IL1RAPL2: variants seen among roughly 807,000 people sequenced by gnomAD.
IL1RAPL2 encodes interleukin 1 receptor accessory protein like 2.
Under a neutral mutation model 44.1 loss-of-function variants are expected in IL1RAPL2, and 3 were observed. The ratio of observed to expected loss-of-function variants is 0.07; its 90% CI spans 0.03 to 0.18. The LOEUF is 0.18. Ranked by LOEUF, IL1RAPL2 falls within the 10% of genes least tolerant of loss-of-function variation. The pLI, the probability that IL1RAPL2 is intolerant of heterozygous loss-of-function variation, is 1.00. For synonymous variants in IL1RAPL2, 181 were observed against 178.8 expected (o/e 1.01, Z -0.10); for missense variants, 391 against 496.4 (o/e 0.79, Z 2.02).
chrX:105,253,273 T>C (rs2034286126), intron 4 of IL1RAPL2, among the ~76,000 whole-genome samples: 1 of 111,789 alleles, frequency 8.9e-6, no homozygotes, highest in African/African-American at 3.2e-5. Context: ...CCTTTTCTTG[T>C]TGGGAAGTTT....
chrX:104,722,667 C>T (rs1209487498), intron 2 of IL1RAPL2, among the ~76,000 whole-genome samples: 4 of 111,537 alleles, frequency 3.6e-5, no homozygotes, highest in Non-Finnish European at 5.7e-5. Context: ...ATTGCTTTTC[C>T]ATAGTATATG....
intron 5 of IL1RAPL2, among the ~76,000 whole-genome samples, chrX:105,310,250 T>G (rs2034786868): frequency 8.9e-6 from 1 of 111,797 alleles, no homozygotes; most frequent in Non-Finnish European, 1.9e-5. Flanking sequence ...TGGCACAAAG[T>G]TGTTTATAAT....
chrX:105,245,625 G>T (rs2034212636), intron 4 of IL1RAPL2, among the ~76,000 whole-genome samples: 1 of 112,666 alleles, frequency 8.9e-6, no homozygotes, highest in Non-Finnish European at 1.9e-5. Context: ...TTTTACAAAT[G>T]AGAGATAAGG....
At chrX:105,117,636 T>C (rs139995934) in intron 2 of IL1RAPL2, among the ~76,000 whole-genome samples, 2,061 of 111,168 alleles carry the variant, frequency 0.019, 57 homozygotes, top group African/African-American at 0.064. Context: ...GATCTGATGG[T>C]TTTATAAGGG....
At chrX:104,603,151 G>A (rs1194376689) in intron 1 of IL1RAPL2, among the ~76,000 whole-genome samples, 4 of 111,540 alleles carry the variant, frequency 3.6e-5, no homozygotes, top group Admixed American at 9.5e-5. Flanking sequence ...AATCTTTGCT[G>A]TTCTGCAGCC....
At chrX:104,923,941 C>T (rs1462540187) in intron 2 of IL1RAPL2, among the ~76,000 whole-genome samples, 1 of 108,773 alleles carries the variant, frequency 9.2e-6, no homozygotes. Flanking sequence ...CACCTACATG[C>T]TCAAAGTAAA....
chrX:104,675,686 G>A (rs1930734780), intron 2 of IL1RAPL2, among the ~76,000 whole-genome samples: 1 of 110,681 alleles, frequency 9.0e-6, no homozygotes, highest in South Asian at 3.9e-4. Context: ...TCTGTCTAAT[G>A]TTGACAGTGG....
At chrX:104,739,020 C>T (rs1336895806) in intron 2 of IL1RAPL2, among the ~76,000 whole-genome samples, 1 of 111,102 alleles carries the variant, frequency 9.0e-6, no homozygotes, top group African/African-American at 3.3e-5. Flanking sequence ...GAGCTTTTGG[C>T]CATTCTATTT....
chrX:105,612,601 G>A (rs888583438), intron 6 of IL1RAPL2, among the ~76,000 whole-genome samples: 5 of 112,257 alleles, frequency 4.5e-5, no homozygotes, highest in African/African-American at 1.6e-4. Flanking sequence ...TGAAAGAGGC[G>A]CTGGAAGAAG....
chrX:104,888,340 G>C (rs1243642262), intron 2 of IL1RAPL2, among the ~76,000 whole-genome samples: 1 of 108,550 alleles, frequency 9.2e-6, no homozygotes, highest in Non-Finnish European at 1.9e-5. Context: ...GAGAGAGAGA[G>C]AGAAAGTCAG....
chrX:105,313,850 T>C (rs1435616046), intron 5 of IL1RAPL2, among the ~76,000 whole-genome samples: 1 of 110,172 alleles, frequency 9.1e-6, no homozygotes, highest in Non-Finnish European at 1.9e-5. Flanking sequence ...AATGGAGGGG[T>C]GGGGAAACAC....
chrX:105,328,358 C>T (rs1415121484), intron 5 of IL1RAPL2, among the ~76,000 whole-genome samples: 1 of 111,913 alleles, frequency 8.9e-6, no homozygotes, highest in Non-Finnish European at 1.9e-5. Flanking sequence ...ATGATTTCAA[C>T]TGCTCTGATT....
chrX:104,879,324 C>A (rs768804026), intron 2 of IL1RAPL2, among the ~76,000 whole-genome samples: 2 of 78,102 alleles, frequency 2.6e-5, no homozygotes, highest in East Asian at 7.6e-4. Flanking sequence ...AAACAAAAAA[C>A]CCAAACACGT....
intron 6 of IL1RAPL2, among the ~76,000 whole-genome samples, chrX:105,658,183 C>T (rs1003833747): frequency 1.8e-5 from 2 of 110,616 alleles, no homozygotes; most frequent in African/African-American, 6.6e-5. Context: ...ATAATTAACT[C>T]GCCCCTCCTC....
At chrX:105,743,104 A>G (rs747693461) in intron 8 of IL1RAPL2, among the ~76,000 whole-genome samples, 2 of 111,658 alleles carry the variant, frequency 1.8e-5, no homozygotes, top group Admixed American at 9.6e-5. Flanking sequence ...TACCTGGATC[A>G]TGGTAACAGC....
intron 2 of IL1RAPL2, among the ~76,000 whole-genome samples, chrX:104,832,067 G>A (rs764378520): frequency 1.4e-4 from 15 of 109,907 alleles, no homozygotes; most frequent in Non-Finnish European, 1.9e-4. Flanking sequence ...CTCTGTTCAG[G>A]GTTACTTGAA....
At chrX:104,884,634 A>G (rs1235008472) in intron 2 of IL1RAPL2, among the ~76,000 whole-genome samples, 4 of 111,452 alleles carry the variant, frequency 3.6e-5, no homozygotes, top group African/African-American at 1.3e-4. Context: ...ATGGGGAAAA[A>G]TGGCCACCTA....
At chrX:104,850,237 T>G (rs1444460395) in intron 2 of IL1RAPL2, among the ~76,000 whole-genome samples, 1 of 111,361 alleles carries the variant, frequency 9.0e-6, no homozygotes. Flanking sequence ...CTTTTTATTT[T>G]TATTTGTTTT....
chrX:105,347,828 A>G (rs1307711549), intron 5 of IL1RAPL2, among the ~76,000 whole-genome samples: 2 of 111,365 alleles, frequency 1.8e-5, no homozygotes, highest in Non-Finnish European at 3.8e-5. Flanking sequence ...AGTAGCACAC[A>G]TACTCCACAC....
Sources: allele counts gnomAD v4.1 joint callset (sites outside exome capture counted in the v4.1 genomes callset), GRCh38; gene constraint gnomAD v4.1.1; transcripts MANE v1.5; gene names NCBI Gene and HGNC (gene_info 2026-07-23, HGNC 2026-07-21).